Variants in ADAMTS19 observed in about 807,000 individuals in gnomAD.
ADAMTS19 encodes the protein ADAM metallopeptidase with thrombospondin type 1 motif 19, also known as A disintegrin and metalloproteinase with thrombospondin motifs 19.
In ADAMTS19, 93 loss-of-function variants were observed where a neutral mutation model predicts 153.3. The observed-to-expected ratio is 0.61, with a 90% CI of 0.51 to 0.72. The LOEUF (loss-of-function observed/expected upper bound fraction) is 0.72. ADAMTS19 is among the 30% of genes least tolerant of loss of function. The pLI is 0.00. For synonymous variants in ADAMTS19, 600 were observed against 556.6 expected, an observed-to-expected ratio of 1.08 and a Z score of -1.10; for missense variants, 1,482 against 1,552.1, an observed-to-expected ratio of 0.95 and a Z score of 0.76.
intron 17 of ADAMTS19, among the ~76,000 whole-genome samples, chr5:129,681,578 T>G (rs1368637122): frequency 6.6e-6 from 1 of 152,158 alleles, no homozygotes; most frequent in Non-Finnish European, 1.5e-5. Context: ...TGAGAAAAGT[T>G]AATCAATGTG....
intron 21 of ADAMTS19, among the ~76,000 whole-genome samples, chr5:129,705,694 C>A (rs983310192): frequency 1.3e-5 from 2 of 152,140 alleles, no homozygotes; most frequent in Non-Finnish European, 2.9e-5. Context: ...TGAGGCAGCA[C>A]AGAATTCTAA....
chr5:129,689,819 ATTATT>A (rs1178773773), intron 18 of ADAMTS19, among the ~76,000 whole-genome samples: 2 of 152,200 alleles, frequency 1.3e-5, no homozygotes, highest in Non-Finnish European at 2.9e-5. Context: ...TTTTCTCTGC[ATTATT>A]TTATTTCAAT....
At chr5:129,476,408 C>T (rs1460453422) in intron 2 of ADAMTS19, among the ~76,000 whole-genome samples, 1 of 152,002 alleles carries the variant, frequency 6.6e-6, no homozygotes, top group Non-Finnish European at 1.5e-5. Context: ...ACTCTTATTT[C>T]AGTCCTACTG....
intron 7 of ADAMTS19, among the ~76,000 whole-genome samples, chr5:129,568,166 T>C (rs1026815765): frequency 2.0e-5 from 3 of 152,172 alleles, no homozygotes; most frequent in Admixed American, 6.5e-5. Context: ...AGGGAAATGA[T>C]ACTTAAAGGA....
In ADAMTS19 at chr5:129,737,284, A is replaced by G; in HGVS notation, c.*66A>G. The G allele has an allele frequency of 7.3e-7, 1 of 1,362,458 alleles. No individual in the cohort carries two copies. Among genetic ancestry groups the G allele is most frequent in the Non-Finnish European group, 9.7e-7 (1 of 1,028,794 alleles). The allele number at this position is 1,362,458 out of a possible 1,614,324, so 84.4% of individuals were successfully genotyped here. On this transcript the variant is annotated 3_prime_UTR_variant, in exon 23 of 23. Coordinates refer to ENST00000274487, the MANE Select transcript of ADAMTS19 (RefSeq NM_133638.6). Reference sequence around the variant, plus strand: ...ATTATTTATAAACACACACACTAGCATGTTTTTCAGACCAAATATTATCAG... The same window carrying G: ...ATTATTTATAAACACACACACTAGCGTGTTTTTCAGACCAAATATTATCAG...
intron 6 of ADAMTS19, among the ~76,000 whole-genome samples, chr5:129,549,222 T>C (rs914861586): frequency 6.6e-6 from 1 of 150,396 alleles, no homozygotes; most frequent in East Asian, 1.9e-4. Context: ...AAAAGAAATA[T>C]AACTTGGTAA....
At chr5:129,545,844 T>G (rs893622510) in intron 6 of ADAMTS19, among the ~76,000 whole-genome samples, 2 of 150,532 alleles carry the variant, frequency 1.3e-5, no homozygotes, top group African/African-American at 5.0e-5. Context: ...CTCAGGGATC[T>G]AGAACTAGAA....
chr5:129,622,433 T>C, intron 10 of ADAMTS19, 85 bp downstream of exon 10: 1 of 1,481,712 alleles, frequency 6.7e-7, no homozygotes, highest in South Asian at 1.3e-5. Context: ...ATTTTAGGGT[T>C]TGTGGATCAA....
chr5:129,532,437 A>G (rs1752242749), intron 6 of ADAMTS19, among the ~76,000 whole-genome samples: 1 of 152,184 alleles, frequency 6.6e-6, no homozygotes, highest in Admixed American at 6.5e-5. Flanking sequence ...TTCAGTTATA[A>G]AAATTGAAAA....
At chr5:129,562,955 T>C (rs1297908342) in intron 7 of ADAMTS19, among the ~76,000 whole-genome samples, 4 of 152,202 alleles carry the variant, frequency 2.6e-5, no homozygotes, top group Non-Finnish European at 5.9e-5. Flanking sequence ...TCTGATTTTA[T>C]GTACTTGACA....
intron 7 of ADAMTS19, among the ~76,000 whole-genome samples, chr5:129,562,717 T>C (rs1002076141): frequency 3.9e-5 from 6 of 152,156 alleles, no homozygotes; most frequent in Admixed American, 1.3e-4. Flanking sequence ...TACTTAAAGC[T>C]GGCAAAGATA....
chr5:129,718,901 G>C (rs559971469), intron 21 of ADAMTS19, among the ~76,000 whole-genome samples: 1 of 152,230 alleles, frequency 6.6e-6, no homozygotes, highest in Admixed American at 6.5e-5. Context: ...ATTTCTTACA[G>C]AGGCCAGCTG....
At chr5:129,666,309 A>T (rs1173953747) in intron 16 of ADAMTS19, among the ~76,000 whole-genome samples, 1 of 152,154 alleles carries the variant, frequency 6.6e-6, no homozygotes, top group Non-Finnish European at 1.5e-5. Context: ...TGGCATCCAG[A>T]GATAGAGGGA....
chr5:129,698,419 G>A (rs748698838), intron 19 of ADAMTS19, among the ~76,000 whole-genome samples: 42 of 152,254 alleles, frequency 2.8e-4, no homozygotes, highest in South Asian at 1.2e-3. Flanking sequence ...GTCACTAAAT[G>A]GCCCGATGGC....
intron 19 of ADAMTS19, among the ~76,000 whole-genome samples, chr5:129,695,566 A>C (rs1346215830): frequency 6.6e-6 from 1 of 152,208 alleles, no homozygotes; most frequent in African/African-American, 2.4e-5. Flanking sequence ...GAACCTGAGT[A>C]TAATTTTGGA....
At chr5:129,469,817 A>G (rs1750001099) in intron 2 of ADAMTS19, among the ~76,000 whole-genome samples, 1 of 152,178 alleles carries the variant, frequency 6.6e-6, no homozygotes, top group Admixed American at 6.5e-5. Context: ...CTTATTAATA[A>G]AATAACTGGT....
intron 6 of ADAMTS19, among the ~76,000 whole-genome samples, chr5:129,531,028 A>T (rs114946917): frequency 0.035 from 5,255 of 152,232 alleles, 115 homozygotes; most frequent in South Asian, 0.067. Flanking sequence ...AATTGGAAAA[A>T]AACTTATAGT....
chr5:129,625,902 T>A (rs962868153), intron 10 of ADAMTS19, among the ~76,000 whole-genome samples: 5 of 152,154 alleles, frequency 3.3e-5, no homozygotes, highest in African/African-American at 9.7e-5. Context: ...GGTGTTTTAG[T>A]CCTGAAGTCC....
intron 2 of ADAMTS19, among the ~76,000 whole-genome samples, chr5:129,485,146 T>C (rs1036427314): frequency 3.9e-5 from 6 of 152,152 alleles, no homozygotes; most frequent in Non-Finnish European, 8.8e-5. Context: ...TGAAAACACA[T>C]TGGTGTAATC....
Sources: gnomAD v4.1 joint callset for allele counts (sites outside exome capture counted in the v4.1 genomes callset) on GRCh38, gnomAD v4.1.1 for gene constraint, MANE v1.5 for transcripts, NCBI Gene and HGNC (gene_info 2026-07-23, HGNC 2026-07-21) for gene names.